The following ATP8A2 variants were observed in gnomAD, a reference collection of about 807,000 sequenced individuals.
ATP8A2 encodes the protein ATPase phospholipid transporting 8A2, also known as phospholipid-transporting ATPase IB.
Under a neutral mutation model 165.6 loss-of-function variants are expected in ATP8A2, and 100 were observed. The observed-to-expected ratio is 0.60, with a 90% CI of 0.51 to 0.71. The LOEUF is 0.71. Among genes scored for constraint, ATP8A2 ranks in the 30% least tolerant of loss-of-function variants. ATP8A2 has a pLI of 0.00. For synonymous variants in ATP8A2, 543 were observed against 548.8 expected (o/e 0.99, Z 0.15); for missense variants, 1,227 against 1,479.5 (o/e 0.83, Z 2.80).
Position 25,685,688 on chromosome 13 carries a change from A to C in ATP8A2, c.2212-13485A>C, listed in dbSNP as rs369163248. On this transcript the variant is annotated intron_variant, in intron 24 of 36. Coordinates refer to ENST00000381655, the MANE Select transcript of ATP8A2 (RefSeq NM_016529.6). Reference sequence around the variant, plus strand: ...CAGCAGGTCAGCCTATTAGAAGAAAAGCAGAAAGCTAGTTGGGGCTCTGGC... The same window carrying C: ...CAGCAGGTCAGCCTATTAGAAGAAACGCAGAAAGCTAGTTGGGGCTCTGGC... Among the ~76,000 whole-genome samples the C allele has an allele frequency of 3.9e-5, 6 of 152,222 alleles. No individual in the cohort carries two copies. The East Asian group carries it at 7.7e-4, about 20-fold the overall frequency.
In ATP8A2 at chr13:25,571,652, T is replaced by C; in HGVS notation, c.1622T>C (p.Val541Ala). 6.2e-7 allele frequency: 1 copy of C among 1,614,118 alleles called. No individual in the cohort carries two copies. Among genetic ancestry groups the C allele is most frequent in the South Asian group, 1.1e-5 (1 of 91,082 alleles). Residue 541 changes from valine to alanine, a missense_variant, in exon 18 of 37, where the codon GTC (valine) becomes GCC (alanine). Physicochemically the swap from Val to Ala is moderately conservative, Grantham distance 64 (BLOSUM62 0). Coordinates refer to ENST00000381655, the MANE Select transcript of ATP8A2 (RefSeq NM_016529.6). ...AAAGGAGCTAAAAAGCTGGGCTTTG[T>C]CTTCACAGCCAGAACACCATTCTCA... ...LVKGAKKLGF[V>A]FTARTPFSVI...
intron 33 of ATP8A2, among the ~76,000 whole-genome samples, chr13:25,872,097 G>A (rs1414334855): frequency 7.4e-6 from 1 of 134,450 alleles, no homozygotes; most frequent in Non-Finnish European, 1.5e-5. Context: ...TGCTGCTTCT[G>A]CCTCTTTGCC....
At chr13:25,724,016 A>G (rs1035132912) in intron 25 of ATP8A2, among the ~76,000 whole-genome samples, 1 of 152,146 alleles carries the variant, frequency 6.6e-6, no homozygotes, top group Admixed American at 6.5e-5. Context: ...GTGGCCCCCA[A>G]ATGGCATCCA....
intron 2 of ATP8A2, among the ~76,000 whole-genome samples, chr13:25,485,905 C>T (rs1460097497): frequency 2.0e-5 from 3 of 151,646 alleles, no homozygotes; most frequent in Non-Finnish European, 2.9e-5. Flanking sequence ...AGTGAGTTTT[C>T]TTATTTCACC....
At chr13:26,012,458 C>G (rs1323591183) in intron 35 of ATP8A2, 73 bp from the exon 36 acceptor site, 1 of 1,236,442 alleles carries the variant, frequency 8.1e-7, no homozygotes, top group East Asian at 2.8e-5. Flanking sequence ...TCATCCCACC[C>G]CCTTCTGTCT....
At chr13:25,879,313 C>T (rs748661994) in intron 33 of ATP8A2, among the ~76,000 whole-genome samples, 4 of 152,140 alleles carry the variant, frequency 2.6e-5, no homozygotes, top group Non-Finnish European at 5.9e-5. Context: ...TGGCCACTGG[C>T]CTTGACCTTA....
chr13:25,859,563 GA>G (rs71665615), intron 30 of ATP8A2, among the ~76,000 whole-genome samples: 26,709 of 130,036 alleles, frequency 0.21, 2,396 homozygotes, highest in Non-Finnish European at 0.22. Flanking sequence ...TCCTTGAAAA[GA>G]AAAAAAAAAA....
At chr13:25,964,656 C>T (rs902165558) in intron 34 of ATP8A2, among the ~76,000 whole-genome samples, 3 of 152,144 alleles carry the variant, frequency 2.0e-5, no homozygotes, top group Admixed American at 6.5e-5. Flanking sequence ...TACTGAGGCA[C>T]GATATCTGTG....
At position 25,554,566 on chromosome 13, in the gene ATP8A2, TATTTCTTTTTTAGATGAA is replaced by T. The variant is rs1401849466; in HGVS notation, c.1186-424_1186-407del. Among the ~76,000 whole-genome samples the T allele has an allele frequency of 1.9e-4, 28 of 149,574 alleles. No individual in the cohort carries two copies. In the East Asian group the frequency reaches 5.3e-3, roughly 28 times the overall value. On this transcript the variant is annotated intron_variant, in intron 12 of 36. Coordinates refer to ENST00000381655, the MANE Select transcript of ATP8A2 (RefSeq NM_016529.6). Reference sequence around the variant, plus strand: ...GTGTGTGTGTGTGTGTGTGTGTGTGTATTTCTTTTTTAGATGAAGTCTTGTGCTGTCACCCAGGCTGGA... The same window carrying T: ...GTGTGTGTGTGTGTGTGTGTGTGTGTGTCTTGTGCTGTCACCCAGGCTGGA...
intron 24 of ATP8A2, among the ~76,000 whole-genome samples, chr13:25,607,823 T>C (rs1354833250): frequency 1.3e-5 from 2 of 152,268 alleles, no homozygotes; most frequent in Admixed American, 1.3e-4. Context: ...TTAATCCCCT[T>C]ATTTCACTAT....
At chr13:25,765,911 G>A (rs1277694233) in intron 25 of ATP8A2, among the ~76,000 whole-genome samples, 6 of 152,216 alleles carry the variant, frequency 3.9e-5, no homozygotes, top group South Asian at 4.2e-4. Context: ...GAGATTTTCC[G>A]ACCCCTGCAG....
rs538304837 is a variant in ATP8A2, at chr13:25,746,289, G to A, written c.2385-22757G>A. Among the ~76,000 whole-genome samples, 163 of 152,262 alleles carry A rather than the reference G, an allele frequency of 1.1e-3. 1 individual carries two copies. Among genetic ancestry groups the A allele is most frequent in the African/African-American group, 3.9e-3 (160 of 41,550 alleles). On this transcript the variant is annotated intron_variant, in intron 25 of 36. Coordinates refer to ENST00000381655, the MANE Select transcript of ATP8A2 (RefSeq NM_016529.6). ...AGGAAGTCTTGTTCATGGCTCTCAG[G>A]ATGTCTGTAGGAATTTGCACACTGA...
chr13:25,961,119 G>A (rs887098354), intron 33 of ATP8A2, among the ~76,000 whole-genome samples: 2 of 152,152 alleles, frequency 1.3e-5, no homozygotes, highest in Non-Finnish European at 2.9e-5. Flanking sequence ...TTCCTGGGTG[G>A]GGAGAACCAC....
chr13:25,847,155 A>C (rs1159842913), intron 30 of ATP8A2, among the ~76,000 whole-genome samples: 3 of 152,322 alleles, frequency 2.0e-5, no homozygotes, highest in Non-Finnish European at 4.4e-5. Flanking sequence ...TAAAATCCTG[A>C]AGTTAGTGGA....
At chr13:25,733,444 C>T (rs1402238633) in intron 25 of ATP8A2, among the ~76,000 whole-genome samples, 3 of 151,974 alleles carry the variant, frequency 2.0e-5, no homozygotes, top group Admixed American at 6.5e-5. Context: ...TGTGTGCATG[C>T]GTGCTTCATT....
Position 25,543,245 on chromosome 13 carries a change from A to G in ATP8A2, c.780-46A>G, listed in dbSNP as rs1338588304. ...ATGTTTAAGGGAAAAACTCATGCTT[A>G]TTTTCCAGACTATCATTAAATATCA... On this transcript the variant is annotated intron_variant, in intron 9 of 36. Transcript: ENST00000381655. The G allele has an allele frequency of 3.2e-6, 4 of 1,253,320 alleles. No individual in the cohort carries two copies. The African/African-American group carries it at 4.4e-5, about 14-fold the overall frequency. 77.6% of individuals were successfully genotyped at this position (1,253,320 alleles called of 1,614,324 possible).
intron 24 of ATP8A2, among the ~76,000 whole-genome samples, chr13:25,677,613 A>G (rs2042398119): frequency 6.6e-6 from 1 of 152,162 alleles, no homozygotes; most frequent in East Asian, 1.9e-4. Flanking sequence ...CATGAAGATT[A>G]ATTTGAGGAG....
chr13:26,018,809 C>T (rs960451479), intron 36 of ATP8A2, among the ~76,000 whole-genome samples: 5 of 152,188 alleles, frequency 3.3e-5, no homozygotes, highest in African/African-American at 1.2e-4. Context: ...CTCTGTGCCT[C>T]AGTTTTCTCA....
intron 35 of ATP8A2, among the ~76,000 whole-genome samples, chr13:25,975,344 C>A (rs954550306): frequency 1.3e-5 from 2 of 152,014 alleles, no homozygotes; most frequent in Non-Finnish European, 2.9e-5. Flanking sequence ...GAGGCCAAGG[C>A]GGGCAGGTCA....
Sources: allele counts gnomAD v4.1 joint callset (sites outside exome capture counted in the v4.1 genomes callset), GRCh38; gene constraint gnomAD v4.1.1; transcripts MANE v1.5; gene names NCBI Gene and HGNC (gene_info 2026-07-23, HGNC 2026-07-21).